FLT4: variants seen among roughly 807,000 people sequenced by gnomAD.
FLT4 encodes fms related receptor tyrosine kinase 4.
In FLT4, 30 loss-of-function variants were observed where a neutral mutation model predicts 163.2. The ratio of observed to expected loss-of-function variants is 0.18; its 90% CI spans 0.14 to 0.25. FLT4 has a LOEUF of 0.25. FLT4 is among the 10% of genes least tolerant of loss of function. The probability of loss-of-function intolerance (pLI) is 1.00; values close to 1 mark genes in which losing one functional copy is unlikely to be tolerated. For synonymous variants in FLT4, 884 were observed against 789.5 expected (o/e 1.12, Z -2.01); for missense variants, 1,510 against 1,863.8 (o/e 0.81, Z 3.50).
chr5:180,637,664 C>T (rs976082394), intron 1 of FLT4, among the ~76,000 whole-genome samples: 8 of 152,226 alleles, frequency 5.3e-5, no homozygotes, highest in African/African-American at 1.9e-4. Context: ...TCCTGGGTAG[C>T]TGGGATTACA....
At chr5:180,641,983 C>T (rs150234131) in intron 1 of FLT4, among the ~76,000 whole-genome samples, 6,890 of 152,130 alleles carry the variant, frequency 0.045, 217 homozygotes, top group South Asian at 0.12. Context: ...CCAAGGTGGG[C>T]GGATCAGGAG....
At position 180,618,800 on chromosome 5, in the gene FLT4, C is replaced by T. The variant is rs1416698957; in HGVS notation, c.2971G>A (p.Gly991Arg). The T allele has an allele frequency of 6.3e-7, 1 of 1,587,876 alleles. No homozygotes were observed. Among genetic ancestry groups the T allele is most frequent in the Non-Finnish European group, 8.6e-7 (1 of 1,167,844 alleles). ...TGGTCTGGAGAAGCCCGCCTCGCTC[C>T]GCCCTCGGTCTTCGAGAACCGCGCG... The part of the protein sequence containing the change: ...LFARFSKTEG[G>R]ARRASPDQEA... The change falls in exon 21 of 30, where the codon GGA becomes AGA. Residue 991 changes from glycine to arginine, a missense_variant. By Grantham distance (125) the Gly-to-Arg change is moderately radical. Coordinates refer to ENST00000261937, the MANE Select transcript of FLT4 (RefSeq NM_182925.5).
At chr5:180,626,310 G>A (rs764233132) in intron 8 of FLT4, 45 bp from the exon 9 acceptor site, 1 of 1,599,542 alleles carries the variant, frequency 6.3e-7, no homozygotes, top group Admixed American at 1.7e-5. Flanking sequence ...TCCCACCACA[G>A]CCCCAACCTC....
chr5:180,608,831 C>A (rs1761954155), intron 29 of FLT4, 137 bp downstream of exon 29: 17 of 776,564 alleles, frequency 2.2e-5, no homozygotes, highest in South Asian at 2.1e-4. Flanking sequence ...GGCAGCTCAC[C>A]TTGAACGCGC....
In FLT4 at chr5:180,614,189, C is replaced by T. The variant is rs369575233; in HGVS notation, c.3220-10G>A. On this transcript the variant is annotated splice_polypyrimidine_tract_variant and intron_variant, in intron 23 of 29. Coordinates refer to ENST00000261937, the MANE Select transcript of FLT4 (RefSeq NM_182925.5). ...TCAGGGGCAGCCGGGCCTGGGGAGACAGAGGGAAGCTTGTCCCGTGGTGGA... is the reference window on the plus strand; with the variant it reads ...TCAGGGGCAGCCGGGCCTGGGGAGATAGAGGGAAGCTTGTCCCGTGGTGGA... The T allele has an allele frequency of 3.8e-6, 6 of 1,590,200 alleles. No homozygotes were observed. The highest frequency in any genetic ancestry group is 5.2e-6 in the Non-Finnish European group (6 of 1,161,392).
chr5:180,614,564 TCA>T (rs1268284553), intron 23 of FLT4, among the ~76,000 whole-genome samples: 2 of 151,990 alleles, frequency 1.3e-5, no homozygotes, highest in Non-Finnish European at 2.9e-5. Flanking sequence ...CTCTGTCCAC[TCA>T]CTGTCCCCAC....
chr5:180,611,201 GCT>G, intron 27 of FLT4, 128 bp downstream of exon 27: 2 of 1,136,970 alleles, frequency 1.8e-6, no homozygotes, highest in Middle Eastern at 2.0e-4. Flanking sequence ...GCCACTCTGT[GCT>G]CTGAGTTTGT....
chr5:180,631,830 G>C, intron 1 of FLT4, 52 bp from the exon 2 acceptor site: 1 of 1,276,134 alleles, frequency 7.8e-7, no homozygotes, highest in Non-Finnish European at 1.1e-6. Flanking sequence ...TTGGCACGAC[G>C]TTGATGGGGC....
At chr5:180,625,768 G>C in intron 10 of FLT4, 101 bp downstream of exon 10, 1 of 1,111,466 alleles carries the variant, frequency 9.0e-7, no homozygotes, top group South Asian at 1.3e-5. Context: ...AAGGGGTACA[G>C]GGAAGACCTG....
chr5:180,626,310 GC>G (rs1763609192), intron 8 of FLT4, 45 bp from the exon 9 acceptor site: 2 of 1,599,540 alleles, frequency 1.3e-6, no homozygotes, highest in Non-Finnish European at 1.7e-6. Context: ...TCCCACCACA[GC>G]CCCAACCTCA....
chr5:180,622,792 G>A lies in FLT4; in HGVS notation c.1596C>T (p.Tyr532=). ...CCACCTTGTTGGAGACCACACACTT[G>A]TACATGGCAGACACGTTGGCATTCT... ...VIQNANVSAM[Y]KCVVSNKVGQ... The change falls in exon 12 of 30, where the codon TAC becomes TAT. Residue 532 remains tyrosine, a synonymous_variant. Coordinates refer to ENST00000261937, the MANE Select transcript of FLT4 (RefSeq NM_182925.5). 2 of 1,613,628 alleles carry A rather than the reference G, an allele frequency of 1.2e-6. No homozygotes were observed. The highest frequency in any genetic ancestry group is 1.1e-5 in the South Asian group (1 of 91,082).
Position 180,618,777 on chromosome 5 carries a change from G to T in FLT4, c.2994C>A (p.Asp998Glu). The T allele has an allele frequency of 6.3e-7, 1 of 1,589,548 alleles. No homozygotes were observed. The highest frequency in any genetic ancestry group is 8.6e-7 in the Non-Finnish European group (1 of 1,168,674). ...AAGAGGCCAGGCTCTCACCTTCTTG[G>T]TCTGGAGAAGCCCGCCTCGCTCCGC... ...TEGGARRASP[D>E]QEAEDLWLSP... Residue 998 changes from aspartate (D) to glutamate (E), a missense_variant, in exon 21 of 30, where the codon GAC becomes GAA. Asp to Glu is a conservative substitution (Grantham distance 45). This residue lies in a region of FLT4 where 878 missense variants were observed against 1,016.7 expected (regional missense o/e 0.86). Transcript: ENST00000261937.
At chr5:180,622,154 T>G (rs998832397) in intron 12 of FLT4, among the ~76,000 whole-genome samples, 2 of 152,126 alleles carry the variant, frequency 1.3e-5, no homozygotes, top group African/African-American at 4.8e-5. Flanking sequence ...TGAAATAACG[T>G]GTTCCCTGGC....
chr5:180,618,756 G>C lies in FLT4; in HGVS notation c.3001+14C>G. ...CGTCAGGCACTAGGAAAAGGGAAGAGGCCAGGCTCTCACCTTCTTGGTCTG... is the reference window on the plus strand; with the variant it reads ...CGTCAGGCACTAGGAAAAGGGAAGACGCCAGGCTCTCACCTTCTTGGTCTG... On this transcript the variant is annotated intron_variant, in intron 21 of 29. Coordinates refer to ENST00000261937, the MANE Select transcript of FLT4 (RefSeq NM_182925.5). 2 of 1,582,552 alleles carry C rather than the reference G, an allele frequency of 1.3e-6. No individual in the cohort carries two copies. Among genetic ancestry groups the C allele is most frequent in the Non-Finnish European group, 1.7e-6 (2 of 1,165,016 alleles).
In FLT4 at chr5:180,636,087, T is replaced by G. The variant is rs1353526679; in HGVS notation, c.59-4309A>C. Reference sequence around the variant, plus strand: ...GGGAGAGGAGTCTGTAGGAGCTTCCTCCTGAAGGCACCGTGCCACCAAAGG... The same window carrying G: ...GGGAGAGGAGTCTGTAGGAGCTTCCGCCTGAAGGCACCGTGCCACCAAAGG... On this transcript the variant is annotated intron_variant, in intron 1 of 29. Coordinates refer to ENST00000261937, the MANE Select transcript of FLT4 (RefSeq NM_182925.5). The surrounding 1 kb of genome is among the most constrained non-coding windows in gnomAD (Gnocchi z 4.3). 6.6e-6 allele frequency among the ~76,000 whole-genome samples: 1 copy of G among 151,932 alleles called. No individual in the cohort carries two copies. Among genetic ancestry groups the G allele is most frequent in the Non-Finnish European group, 1.5e-5 (1 of 67,940 alleles).
chr5:180,632,037 G>A (rs1014430827), intron 1 of FLT4, among the ~76,000 whole-genome samples: 9 of 152,100 alleles, frequency 5.9e-5, no homozygotes, highest in African/African-American at 1.2e-4. Flanking sequence ...GCTACACACC[G>A]GCCCTGGACC....
chr5:180,633,851 C>T (rs550462463), intron 1 of FLT4, among the ~76,000 whole-genome samples: 5 of 152,116 alleles, frequency 3.3e-5, no homozygotes, highest in Admixed American at 2.0e-4. Context: ...AGACCAGGCT[C>T]GAGGCCAGTG....
upstream of FLT4, among the ~76,000 whole-genome samples, chr5:180,650,166 A>G (rs1765669400): frequency 1.0e-5 from 1 of 95,484 alleles, no homozygotes; most frequent in Non-Finnish European, 2.2e-5. Flanking sequence ...CCAGTCTGGG[A>G]GCCAAAAAAA....
chr5:180,604,187 T>G (rs1240059658), intron 29 of FLT4, among the ~76,000 whole-genome samples: 1 of 152,124 alleles, frequency 6.6e-6, no homozygotes, highest in Non-Finnish European at 1.5e-5. Context: ...CTACCTAGCC[T>G]GGACCCGAGA....
Sources: gnomAD v4.1 joint callset for allele counts (sites outside exome capture counted in the v4.1 genomes callset) on GRCh38, gnomAD v4.1.1 for gene constraint, gnomAD v4.1.1 regional missense constraint, Gnocchi (gnomAD v3.1) non-coding constraint, MANE v1.5 for transcripts, NCBI Gene and HGNC (gene_info 2026-07-23, HGNC 2026-07-21) for gene names.